The following ESRRG variants were observed in gnomAD, a reference collection of about 807,000 sequenced individuals.
The protein encoded by ESRRG is estrogen related receptor gamma, also known as estrogen-related receptor gamma.
Under a neutral mutation model 44.0 loss-of-function variants are expected in ESRRG, and 13 were observed. The observed-to-expected ratio is 0.30, with a 90% CI of 0.19 to 0.47. The LOEUF (loss-of-function observed/expected upper bound fraction) is 0.47, where lower values mean the gene tolerates loss of function less well. ESRRG is among the 20% of genes least tolerant of loss of function. The pLI is 1.00. For synonymous variants in ESRRG, 215 were observed against 214.6 expected (o/e 1.00, Z -0.02); for missense variants, 395 against 580.6 (o/e 0.68, Z 3.29).
chr1:217,023,264 A>G (rs1372099111), intron 1 of ESRRG, among the ~76,000 whole-genome samples: 2 of 152,218 alleles, frequency 1.3e-5, no homozygotes, highest in African/African-American at 4.8e-5. Context: ...TCGTACATCA[A>G]TACCACGTAA....
intron 1 of ESRRG, among the ~76,000 whole-genome samples, chr1:217,028,515 C>T (rs376202320): frequency 7.2e-5 from 11 of 152,200 alleles, no homozygotes; most frequent in South Asian, 2.1e-4. Flanking sequence ...AATTGCAGAG[C>T]CCCTAGTGAA....
At chr1:217,136,396 A>G (rs1311682133) in intron 1 of ESRRG, among the ~76,000 whole-genome samples, 1 of 152,140 alleles carries the variant, frequency 6.6e-6, no homozygotes, top group Non-Finnish European at 1.5e-5. Context: ...AGCGACAATA[A>G]CCCACTCAGC....
chr1:216,720,718 C>A (rs984969485), intron 1 of ESRRG, among the ~76,000 whole-genome samples: 2 of 152,062 alleles, frequency 1.3e-5, no homozygotes, highest in Non-Finnish European at 2.9e-5. Flanking sequence ...AACATGAAAA[C>A]CCTGAAACAG....
chr1:217,100,100 G>A (rs1320826791), intron 1 of ESRRG, among the ~76,000 whole-genome samples: 1 of 152,110 alleles, frequency 6.6e-6, no homozygotes, highest in Non-Finnish European at 1.5e-5. Flanking sequence ...ATAGTCACTT[G>A]GGGAAGCTAT....
At chr1:217,058,830 T>C (rs1003436401) in intron 1 of ESRRG, among the ~76,000 whole-genome samples, 2 of 151,108 alleles carry the variant, frequency 1.3e-5, no homozygotes, top group South Asian at 2.1e-4. Flanking sequence ...TAAATTTGAA[T>C]TGGAGTACTA....
At chr1:217,034,774 G>T (rs150685001) in intron 1 of ESRRG, among the ~76,000 whole-genome samples, 39 of 152,286 alleles carry the variant, frequency 2.6e-4, no homozygotes, top group African/African-American at 8.9e-4. Context: ...GGACCAGGCT[G>T]CAGTGCACCA....
intron 2 of ESRRG, among the ~76,000 whole-genome samples, chr1:216,875,885 G>A (rs939766270): frequency 9.9e-5 from 15 of 152,190 alleles, no homozygotes; most frequent in East Asian, 3.9e-4. Context: ...AGATATGAGC[G>A]TTCCAGTTCC....
chr1:216,511,904 T>C (rs1332102701), intron 6 of ESRRG, among the ~76,000 whole-genome samples: 1 of 152,198 alleles, frequency 6.6e-6, no homozygotes, highest in Non-Finnish European at 1.5e-5. Flanking sequence ...TGAGTACATG[T>C]GTTTATAATT....
intron 2 of ESRRG, among the ~76,000 whole-genome samples, chr1:216,761,385 T>C (rs948213398): frequency 6.6e-6 from 1 of 152,102 alleles, no homozygotes; most frequent in African/African-American, 2.4e-5. Flanking sequence ...ATTTCAGTAA[T>C]GGAAACCAGA....
chr1:216,725,416 C>G (rs1013967724), upstream of ESRRG, among the ~76,000 whole-genome samples: 2 of 150,892 alleles, frequency 1.3e-5, no homozygotes, highest in Admixed American at 1.3e-4. Flanking sequence ...AGAAGAAAAT[C>G]CAAGCATTCT....
chr1:216,628,556 T>C (rs1182489544), intron 3 of ESRRG, among the ~76,000 whole-genome samples: 2 of 152,140 alleles, frequency 1.3e-5, no homozygotes, highest in Non-Finnish European at 2.9e-5. Context: ...AGTCTTATTT[T>C]TAAATTTGAT....
At chr1:217,018,291 C>A (rs2079739136) in intron 1 of ESRRG, among the ~76,000 whole-genome samples, 1 of 152,052 alleles carries the variant, frequency 6.6e-6, no homozygotes, top group Admixed American at 6.6e-5. Context: ...AGTTTTCAAG[C>A]ATAATAGGAA....
chr1:217,120,929 C>G (rs1321775787), intron 1 of ESRRG, among the ~76,000 whole-genome samples: 2 of 152,154 alleles, frequency 1.3e-5, no homozygotes, highest in African/African-American at 4.8e-5. Context: ...ATAAGCTCCA[C>G]ATGGGCAAGG....
intron 1 of ESRRG, among the ~76,000 whole-genome samples, chr1:217,072,102 C>T (rs2090637160): frequency 6.6e-6 from 1 of 152,166 alleles, no homozygotes; most frequent in South Asian, 2.1e-4. Context: ...ATTCTGATTT[C>T]CTCTCTAGTG....
chr1:217,096,487 T>C (rs1038023775), intron 1 of ESRRG, among the ~76,000 whole-genome samples: 6 of 152,182 alleles, frequency 3.9e-5, no homozygotes, highest in African/African-American at 1.4e-4. Context: ...CCTGGGCAAG[T>C]CATTCAACTT....
intron 1 of ESRRG, among the ~76,000 whole-genome samples, chr1:217,051,971 A>G (rs911661885): frequency 6.6e-6 from 1 of 151,244 alleles, no homozygotes; most frequent in Non-Finnish European, 1.5e-5. Flanking sequence ...GGGTCTTGCT[A>G]TGTTCCCCAG....
At chr1:217,117,374 A>C (rs1175174776) in intron 1 of ESRRG, among the ~76,000 whole-genome samples, 2 of 152,154 alleles carry the variant, frequency 1.3e-5, no homozygotes, top group East Asian at 3.9e-4. Context: ...ACTTGAGGCT[A>C]GGAGTTTGTG....
chr1:216,580,764 C>T (rs1457100708), intron 3 of ESRRG, among the ~76,000 whole-genome samples: 1 of 152,146 alleles, frequency 6.6e-6, no homozygotes, highest in Admixed American at 6.5e-5. Flanking sequence ...CCAACAACTG[C>T]CCTGGCAGTT....
At position 216,654,246 on chromosome 1, in the gene ESRRG, C is replaced by T. The variant is rs536620683; in HGVS notation, c.473-3157G>A. On this transcript the variant is annotated intron_variant, in intron 2 of 6. Coordinates refer to ENST00000408911, the MANE Select transcript of ESRRG (RefSeq NM_001438.4). Reference sequence around the variant, plus strand: ...GAATATCAATTATGGTGTTATAATGCAGTGTCACAGGATCAAGTGAGCTGC... The same window carrying T: ...GAATATCAATTATGGTGTTATAATGTAGTGTCACAGGATCAAGTGAGCTGC... Among the ~76,000 whole-genome samples the T allele has an allele frequency of 2.6e-5, 4 of 152,168 alleles. No individual in the cohort carries two copies. In the South Asian group the frequency reaches 8.3e-4, roughly 32 times the overall value.
Sources: gnomAD v4.1 joint callset for allele counts (sites outside exome capture counted in the v4.1 genomes callset) on GRCh38, gnomAD v4.1.1 for gene constraint, MANE v1.5 for transcripts, NCBI Gene and HGNC (gene_info 2026-07-23, HGNC 2026-07-21) for gene names.